The following TMED3 variants were observed in gnomAD, a reference collection of about 807,000 sequenced individuals.
TMED3 encodes transmembrane emp24 domain-containing protein 3.
TMED3 carries 9 observed loss-of-function variants against 15.0 expected under a neutral mutation model. That is an observed-to-expected ratio of 0.60 (90% CI 0.36 to 1.04). TMED3 has a LOEUF of 1.04. Ranked by LOEUF, TMED3 falls within the 50% of genes least tolerant of loss-of-function variation. The pLI is 0.01. For synonymous variants in TMED3, 117 were observed against 121.4 expected (o/e 0.96, Z 0.24); for missense variants, 267 against 278.9 (o/e 0.96, Z 0.30).
chr15:79,330,611 A>G (rs1164320959), intron 2 of TMED3, among the ~76,000 whole-genome samples: 2 of 152,222 alleles, frequency 1.3e-5, no homozygotes, highest in South Asian at 2.1e-4. Flanking sequence ...TACTACCCAA[A>G]GCAATCTGTG....
chr15:79,328,217 G>A (rs1487616887), intron 2 of TMED3, among the ~76,000 whole-genome samples: 1 of 152,140 alleles, frequency 6.6e-6, no homozygotes, highest in African/African-American at 2.4e-5. Flanking sequence ...TATGATATAG[G>A]AGGAAGAAAA....
downstream of TMED3, among the ~76,000 whole-genome samples, chr15:79,324,502 G>T (rs1215640333): frequency 1.3e-5 from 2 of 152,198 alleles, no homozygotes; most frequent in Middle Eastern, 3.2e-3. Flanking sequence ...ATTTATGGAT[G>T]ATGATGGGTA....
chr15:79,338,656 A>T (rs2058836746), intron 2 of TMED3, among the ~76,000 whole-genome samples: 1 of 152,246 alleles, frequency 6.6e-6, no homozygotes, highest in African/African-American at 2.4e-5. Flanking sequence ...CCAATATTAT[A>T]ATAATCCTTG....
At chr15:79,379,121 A>G (rs1830779634) in intron 2 of TMED3, among the ~76,000 whole-genome samples, 1 of 152,234 alleles carries the variant, frequency 6.6e-6, no homozygotes, top group Non-Finnish European at 1.5e-5. Context: ...GTATTAAGTG[A>G]CTATTAATTA....
chr15:79,382,929 A>G (rs1023340030), intron 2 of TMED3: 46 of 1,529,886 alleles, frequency 3.0e-5, no homozygotes, highest in Admixed American at 1.4e-4. Flanking sequence ...TGACAAAGTC[A>G]ATTACAAGGG....
In TMED3 at chr15:79,314,004, A is replaced by G. The variant is rs1337946459; in HGVS notation, c.416A>G (p.Gln139Arg). Residue 139 changes from glutamine (Q) to arginine (R), a missense_variant and splice_region_variant, in exon 2 of 3, where the codon CAG becomes CGG. Gln to Arg is a conservative substitution (Grantham distance 43). Transcript: ENST00000299705. ...DMGNRVTALT[Q>R]MESACVTIHE... ...GGGAACAGGGTCACAGCTCTCACCCAGGTGAGTGAACATTAGCAGTTCGGG... is the reference window on the plus strand; with the variant it reads ...GGGAACAGGGTCACAGCTCTCACCCGGGTGAGTGAACATTAGCAGTTCGGG... 3.1e-6 allele frequency: 5 copies of G among 1,614,190 alleles called. No homozygotes were observed. The East Asian group carries it at 1.1e-4, about 36-fold the overall frequency.
chr15:79,324,738 T>G (rs1051343868), downstream of TMED3, among the ~76,000 whole-genome samples: 2 of 152,212 alleles, frequency 1.3e-5, no homozygotes, highest in Non-Finnish European at 2.9e-5. Context: ...TATTTGCATC[T>G]GGATTTTCTG....
At chr15:79,341,621 A>G (rs545070818) in intron 2 of TMED3, among the ~76,000 whole-genome samples, 1 of 152,304 alleles carries the variant, frequency 6.6e-6, no homozygotes, top group South Asian at 2.1e-4. Flanking sequence ...AGGCTGCGGA[A>G]CAGAAAAGTT....
chr15:79,339,429 C>A (rs1405959092), intron 2 of TMED3, among the ~76,000 whole-genome samples: 1 of 152,184 alleles, frequency 6.6e-6, no homozygotes, highest in Non-Finnish European at 1.5e-5. Flanking sequence ...CTCTCATCTC[C>A]GCACACGGGG....
downstream of TMED3, among the ~76,000 whole-genome samples, chr15:79,323,121 CCAT>C (rs2058775218): frequency 6.6e-5 from 10 of 152,332 alleles, no homozygotes; most frequent in South Asian, 2.1e-3. Context: ...ATGCCCTGCT[CCAT>C]CATTTCCTTC....
intron 2 of TMED3, among the ~76,000 whole-genome samples, chr15:79,367,709 T>G (rs1231728475): frequency 6.6e-6 from 1 of 152,174 alleles, no homozygotes; most frequent in East Asian, 1.9e-4. Flanking sequence ...AGGTACAGGA[T>G]TTTTAAAGGC....
chr15:79,411,856 C>T lies in TMED3; in HGVS notation c.*352C>T, dbSNP rs1893985662. ...CCAGGGACAGCCATCCCTCTAGGCTCGACTTGCTCCCATGGCAGACTTTAA... is the reference window on the plus strand; with the variant it reads ...CCAGGGACAGCCATCCCTCTAGGCTTGACTTGCTCCCATGGCAGACTTTAA... On this transcript the variant is annotated 3_prime_UTR_variant, in exon 3 of 3. Coordinates refer to the TMED3 transcript ENST00000424155. 1.8e-5 allele frequency: 4 copies of T among 219,308 alleles called. No homozygotes were observed. The South Asian group carries it at 2.7e-4, about 15-fold the overall frequency. 13.6% of individuals were successfully genotyped at this position (219,308 alleles called of 1,614,324 possible).
intron 2 of TMED3, among the ~76,000 whole-genome samples, chr15:79,350,818 A>C (rs1210852651): frequency 6.6e-6 from 1 of 152,214 alleles, no homozygotes; most frequent in East Asian, 1.9e-4. Context: ...GCCAAAAAGC[A>C]AGAAGTCTGG....
At chr15:79,320,253 A>G (rs1412696311) in intron 2 of TMED3, among the ~76,000 whole-genome samples, 1 of 152,032 alleles carries the variant, frequency 6.6e-6, no homozygotes, top group Non-Finnish European at 1.5e-5. Context: ...ACTTCTCACT[A>G]TGTCCCCTCA....
chr15:79,335,359 C>A (rs992381486), intron 2 of TMED3, among the ~76,000 whole-genome samples: 7 of 152,086 alleles, frequency 4.6e-5, no homozygotes, highest in African/African-American at 1.7e-4. Flanking sequence ...AAGCAAGTAA[C>A]CTGTCAGAGG....
chr15:79,381,032 T>C (rs1466898482), intron 2 of TMED3, among the ~76,000 whole-genome samples: 2 of 152,206 alleles, frequency 1.3e-5, no homozygotes, highest in Non-Finnish European at 2.9e-5. Context: ...AAGGAGACTG[T>C]ATCTGATCAT....
At chr15:79,313,037 G>C (rs17177729) in intron 1 of TMED3, among the ~76,000 whole-genome samples, 1,806 of 152,170 alleles carry the variant, frequency 0.012, 19 homozygotes, top group South Asian at 0.019. Flanking sequence ...AATTTATGTT[G>C]GACACCGTGC....
chr15:79,400,408 T>A (rs747757278), intron 2 of TMED3, among the ~76,000 whole-genome samples: 1 of 152,230 alleles, frequency 6.6e-6, no homozygotes, highest in Non-Finnish European at 1.5e-5. Context: ...ATAGGCACCA[T>A]AGAGGCAGGG....
At chr15:79,337,912 T>G (rs1467874502) in intron 2 of TMED3, among the ~76,000 whole-genome samples, 1 of 152,224 alleles carries the variant, frequency 6.6e-6, no homozygotes, top group Non-Finnish European at 1.5e-5. Flanking sequence ...TGGATGGGAA[T>G]GAATAAACAA....
Sources: gnomAD v4.1 joint callset for allele counts (sites outside exome capture counted in the v4.1 genomes callset) on GRCh38, gnomAD v4.1.1 for gene constraint, MANE v1.5 for transcripts, NCBI Gene and HGNC (gene_info 2026-07-23, HGNC 2026-07-21) for gene names.